The following SGCD variants were observed in gnomAD, a reference collection of about 807,000 sequenced individuals.
SGCD encodes the protein sarcoglycan delta.
SGCD carries 18 observed loss-of-function variants against 36.6 expected under a neutral mutation model. That is an observed-to-expected ratio of 0.49 (90% CI 0.34 to 0.73). The LOEUF (loss-of-function observed/expected upper bound fraction) is 0.73, where lower values mean the gene tolerates loss of function less well. Among genes scored for constraint, SGCD ranks in the 30% least tolerant of loss-of-function variants. The probability of loss-of-function intolerance (pLI) is 0.01; values close to 1 mark genes in which losing one functional copy is unlikely to be tolerated. For missense variants in SGCD, 387 were observed against 346.7 expected, an observed-to-expected ratio of 1.12 and a Z score of -0.92; for synonymous variants, 133 against 130.6, an observed-to-expected ratio of 1.02 and a Z score of -0.12.
intron 1 of SGCD, among the ~76,000 whole-genome samples, chr5:156,092,415 A>G (rs953573025): frequency 6.6e-6 from 1 of 152,162 alleles, no homozygotes; most frequent in African/African-American, 2.4e-5. Flanking sequence ...ATTTTTCATA[A>G]TCAAGGCTTG....
chr5:155,896,322 G>A (rs931771769), intron 1 of SGCD, among the ~76,000 whole-genome samples: 1 of 152,094 alleles, frequency 6.6e-6, no homozygotes, highest in East Asian at 1.9e-4. Flanking sequence ...CTTTTAAAAC[G>A]TAGGAGGTGG....
chr5:155,767,082 T>G, the SGCD span, among the ~76,000 whole-genome samples: 6 of 152,214 alleles, frequency 3.9e-5, 1 homozygote, highest in Non-Finnish European at 7.3e-5. Context: ...CTATTAGTCA[T>G]GCATAGCCCC....
At chr5:155,781,178 GTT>G in the SGCD span, among the ~76,000 whole-genome samples, 1 of 152,232 alleles carries the variant, frequency 6.6e-6, no homozygotes, top group Middle Eastern at 3.4e-3. Context: ...GTTTTAATCA[GTT>G]TCTTAGGTTT....
intron 4 of SGCD, among the ~76,000 whole-genome samples, chr5:156,528,738 A>C (rs541550763): frequency 3.3e-5 from 5 of 152,160 alleles, no homozygotes; most frequent in Non-Finnish European, 5.9e-5. Context: ...TTGACCTCCT[A>C]TATGCCTTGA....
intron 1 of SGCD, among the ~76,000 whole-genome samples, chr5:156,025,209 G>C (rs1759201092): frequency 6.6e-6 from 1 of 152,100 alleles, no homozygotes; most frequent in African/African-American, 2.4e-5. Context: ...TATCAGCATG[G>C]TGTTCATGAT....
chr5:155,866,597 A>G (rs1228284429), upstream of SGCD, among the ~76,000 whole-genome samples: 1 of 152,184 alleles, frequency 6.6e-6, no homozygotes. Context: ...ATGGCTCTGT[A>G]ATGACTACAG....
chr5:156,626,335 C>T (rs373772138), intron 6 of SGCD, among the ~76,000 whole-genome samples: 8 of 152,154 alleles, frequency 5.3e-5, no homozygotes, highest in Non-Finnish European at 7.3e-5. Context: ...CTGTAGTGCC[C>T]GGTGTCAGGC....
chr5:156,439,337 G>A (rs937999819), intron 3 of SGCD, among the ~76,000 whole-genome samples: 1 of 152,104 alleles, frequency 6.6e-6, no homozygotes, highest in South Asian at 2.1e-4. Context: ...GCTTCAGGAC[G>A]TCCTTGAATT....
At chr5:155,929,301 G>A (rs2113388006) in intron 1 of SGCD, among the ~76,000 whole-genome samples, 1 of 152,286 alleles carries the variant, frequency 6.6e-6, no homozygotes, top group South Asian at 2.1e-4. Context: ...TCAGCGGTTT[G>A]AATGAGGGGA....
At chr5:155,815,303 T>C in the SGCD span, among the ~76,000 whole-genome samples, 1 of 152,198 alleles carries the variant, frequency 6.6e-6, no homozygotes, top group Admixed American at 6.5e-5. Flanking sequence ...TCTATGAAGT[T>C]TGACTAATTA....
At chr5:155,841,269 T>A in the SGCD span, among the ~76,000 whole-genome samples, 1 of 152,158 alleles carries the variant, frequency 6.6e-6, no homozygotes, top group Non-Finnish European at 1.5e-5. Flanking sequence ...GAAACCATTT[T>A]TATGGTTGGA....
intron 3 of SGCD, among the ~76,000 whole-genome samples, chr5:156,193,550 C>A (rs773307148): frequency 6.6e-6 from 1 of 152,126 alleles, no homozygotes; most frequent in Non-Finnish European, 1.5e-5. Context: ...TCCTTACGGG[C>A]CAGACTCATT....
intron 3 of SGCD, among the ~76,000 whole-genome samples, chr5:156,188,672 C>G (rs1434937009): frequency 1.5e-5 from 2 of 135,794 alleles, no homozygotes; most frequent in African/African-American, 5.3e-5. Flanking sequence ...CCAACCGCCC[C>G]CCCCGACACA....
intron 3 of SGCD, among the ~76,000 whole-genome samples, chr5:156,303,119 C>G (rs1341545522): frequency 1.3e-5 from 2 of 152,194 alleles, no homozygotes; most frequent in Non-Finnish European, 2.9e-5. Context: ...GAGGTAGGGT[C>G]TGGAGTCAGG....
chr5:156,371,148 A>C (rs942861330), intron 3 of SGCD, among the ~76,000 whole-genome samples: 1 of 152,198 alleles, frequency 6.6e-6, no homozygotes, highest in Non-Finnish European at 1.5e-5. Flanking sequence ...TATAGAGAAC[A>C]ATACCTATAT....
chr5:156,388,985 A>C (rs914672306), intron 3 of SGCD, among the ~76,000 whole-genome samples: 5 of 152,212 alleles, frequency 3.3e-5, no homozygotes, highest in Non-Finnish European at 5.9e-5. Context: ...AATGAGTGTA[A>C]GACAAGGGGA....
At position 156,148,671 on chromosome 5, in the gene SGCD, C is replaced by T. The variant is rs10052593; in HGVS notation, c.-44+24652C>T. Among the ~76,000 whole-genome samples the T allele has an allele frequency of 3.0e-3, 462 of 152,048 alleles. 4 individuals carry two copies. Among genetic ancestry groups the T allele is most frequent in the African/African-American group, 0.01 (424 of 41,482 alleles). On this transcript the variant is annotated intron_variant, in intron 3 of 9. Transcript: ENST00000517913. ...ACTGGGAAAGAAGGCAGTTTATTTCCGCAACTGGTTACAGGGAGAAGGCTG... is the reference window on the plus strand; with the variant it reads ...ACTGGGAAAGAAGGCAGTTTATTTCTGCAACTGGTTACAGGGAGAAGGCTG...
chr5:156,015,336 A>G (rs371612710), intron 1 of SGCD, among the ~76,000 whole-genome samples: 22 of 152,268 alleles, frequency 1.4e-4, no homozygotes, highest in African/African-American at 5.3e-4. Context: ...ACACTTGGCC[A>G]GTAGGAGCCC....
At chr5:155,877,488 A>AT (rs1405691549) in intron 1 of SGCD, among the ~76,000 whole-genome samples, 1 of 152,138 alleles carries the variant, frequency 6.6e-6, no homozygotes, top group Non-Finnish European at 1.5e-5. Flanking sequence ...CACATATTGA[A>AT]TGAGGTTCCT....
Sources: allele counts gnomAD v4.1 joint callset (sites outside exome capture counted in the v4.1 genomes callset), GRCh38; gene constraint gnomAD v4.1.1; transcripts MANE v1.5; gene names NCBI Gene and HGNC (gene_info 2026-07-23, HGNC 2026-07-21).